The following TBX15 variants were observed in gnomAD, a reference collection of about 807,000 sequenced individuals.
TBX15 encodes T-box transcription factor 15.
Under a neutral mutation model 53.9 loss-of-function variants are expected in TBX15, and 18 were observed. The observed-to-expected ratio is 0.33, with a 90% CI of 0.23 to 0.49. The LOEUF (loss-of-function observed/expected upper bound fraction) is 0.49, where lower values mean the gene tolerates loss of function less well. Ranked by LOEUF, TBX15 falls within the 20% of genes least tolerant of loss-of-function variation. The probability of loss-of-function intolerance (pLI) is 0.98; values close to 1 mark genes in which losing one functional copy is unlikely to be tolerated. For missense variants in TBX15, 692 were observed against 749.5 expected, an observed-to-expected ratio of 0.92 and a Z score of 0.90; for synonymous variants, 295 against 278.0, an observed-to-expected ratio of 1.06 and a Z score of -0.61.
chr1:118,895,518 C>T (rs925980986), intron 7 of TBX15, among the ~76,000 whole-genome samples: 1 of 152,178 alleles, frequency 6.6e-6, no homozygotes, highest in African/African-American at 2.4e-5. Flanking sequence ...TTAGTTATAA[C>T]TGACCTGGAC....
chr1:118,884,531 G>A lies in TBX15; in HGVS notation c.*201C>T. 1 of 649,980 alleles carries A rather than the reference G, an allele frequency of 1.5e-6. No homozygotes were observed. The highest frequency in any genetic ancestry group is 2.6e-6 in the Non-Finnish European group (1 of 388,348). 40.3% of individuals were successfully genotyped at this position (649,980 alleles called of 1,614,324 possible). On this transcript the variant is annotated 3_prime_UTR_variant, in exon 8 of 8. Transcript: ENST00000369429. ...AAGGCAGAAGAATGGCCACTGAGTTGCGGATGATTCTATCGCAAGTATCCT... is the reference window on the plus strand; with the variant it reads ...AAGGCAGAAGAATGGCCACTGAGTTACGGATGATTCTATCGCAAGTATCCT...
At chr1:118,962,095 A>C (rs1009112207) in intron 1 of TBX15, among the ~76,000 whole-genome samples, 1 of 152,234 alleles carries the variant, frequency 6.6e-6, no homozygotes, top group Non-Finnish European at 1.5e-5. Context: ...ATTAAGCCCA[A>C]ATCCTAGCCA....
intron 1 of TBX15, among the ~76,000 whole-genome samples, chr1:118,969,767 G>A (rs1657169828): frequency 1.3e-5 from 2 of 152,254 alleles, no homozygotes; most frequent in African/African-American, 4.8e-5. Flanking sequence ...ACTAGAGAAA[G>A]ATAGACTAGG....
intron 1 of TBX15, among the ~76,000 whole-genome samples, chr1:118,939,867 G>A (rs1036966317): frequency 2.6e-5 from 4 of 151,940 alleles, no homozygotes; most frequent in Middle Eastern, 3.4e-3. Flanking sequence ...GGCACTTTAT[G>A]TACGTTATTA....
intron 2 of TBX15, among the ~76,000 whole-genome samples, chr1:118,928,023 G>C (rs1177279261): frequency 3.3e-5 from 5 of 152,172 alleles, no homozygotes; most frequent in African/African-American, 9.7e-5. Context: ...AATTGGCTTT[G>C]CTCCATTTCA....
chr1:118,893,382 AAAGAAAGAAAGAAAGAAAGAAAGAAAGG>A (rs1269439485), intron 7 of TBX15, among the ~76,000 whole-genome samples: 21 of 138,002 alleles, frequency 1.5e-4, no homozygotes, highest in African/African-American at 6.0e-4. Context: ...AGAAAGAAAG[AAAGAAAGAAAGAAAGAAAGAAAGAAAGG>A]AAGAAGGAAA....
At chr1:118,935,220 A>G (rs944723119) in intron 1 of TBX15, among the ~76,000 whole-genome samples, 17 of 152,178 alleles carry the variant, frequency 1.1e-4, no homozygotes, top group Non-Finnish European at 2.1e-4. Context: ...TTGGCTAACC[A>G]GATCAAAATT....
Position 118,975,477 on chromosome 1 carries a change from G to C in TBX15, c.205+12114C>G, listed in dbSNP as rs566616907. 1.1e-4 allele frequency among the ~76,000 whole-genome samples: 16 copies of C among 152,270 alleles called. No homozygotes were observed. The South Asian group carries it at 3.1e-3, about 30-fold the overall frequency. On this transcript the variant is annotated intron_variant, in intron 1 of 7. Transcript: ENST00000369429. ...CTACAAAGGTTCAACATTCTCCCTA[G>C]AGCTCTTAAGCATCATCTACAGGGC... is the stretch of plus-strand genomic sequence containing the variant.
intron 1 of TBX15, among the ~76,000 whole-genome samples, chr1:118,960,459 C>G (rs1656833819): frequency 6.6e-6 from 1 of 152,212 alleles, no homozygotes. Flanking sequence ...GGTGGCCAGA[C>G]TCAGTGACTG....
chr1:118,895,219 C>T lies in TBX15; in HGVS notation c.1024+3809G>A, dbSNP rs534187451. Among the ~76,000 whole-genome samples, 3 of 152,280 alleles carry T rather than the reference C, an allele frequency of 2.0e-5. No homozygotes were observed. In the East Asian group the frequency reaches 5.8e-4, roughly 29 times the overall value. On this transcript the variant is annotated intron_variant, in intron 7 of 7. Coordinates refer to ENST00000369429, the MANE Select transcript of TBX15 (RefSeq NM_001330677.2). ...TTTAACTGCCTGACAAACACTGAAA[C>T]ACCCAATGGTACTGAACTCGGTAGT...
At chr1:118,895,340 G>A (rs1201481464) in intron 7 of TBX15, among the ~76,000 whole-genome samples, 5 of 152,120 alleles carry the variant, frequency 3.3e-5, no homozygotes, top group Admixed American at 3.3e-4. Flanking sequence ...GGTGTCATTG[G>A]TCCAGAATGA....
At chr1:118,893,352 GGAAGGAAAGAAAGAAA>G (rs1216922958) in intron 7 of TBX15, among the ~76,000 whole-genome samples, 118 of 63,194 alleles carry the variant, frequency 1.9e-3, no homozygotes, top group South Asian at 9.8e-3. Context: ...AAGGAAGGAA[GGAAGGAAAGAAAGAAA>G]GAAAGAAAGA....
chr1:118,948,155 G>A (rs1656402616), intron 1 of TBX15, among the ~76,000 whole-genome samples: 2 of 152,074 alleles, frequency 1.3e-5, no homozygotes. Context: ...ATTATGCTAA[G>A]TGCCTTTTCC....
chr1:118,913,051 A>G (rs1317298641), intron 6 of TBX15, among the ~76,000 whole-genome samples: 1 of 152,232 alleles, frequency 6.6e-6, no homozygotes, highest in African/African-American at 2.4e-5. Context: ...CATTTTGTAA[A>G]GAAAATGATT....
chr1:118,976,790 T>C (rs549667687), intron 1 of TBX15, among the ~76,000 whole-genome samples: 4 of 152,374 alleles, frequency 2.6e-5, no homozygotes, highest in South Asian at 2.1e-4. Flanking sequence ...AATTCTGTAC[T>C]GTTTCTAACT....
At chr1:118,928,044 C>A (rs1253821483) in intron 2 of TBX15, among the ~76,000 whole-genome samples, 1 of 152,158 alleles carries the variant, frequency 6.6e-6, no homozygotes, top group African/African-American at 2.4e-5. Flanking sequence ...TGGCCATAGA[C>A]CATACCCTGA....
chr1:118,979,362 G>A (rs1657562179), intron 1 of TBX15, among the ~76,000 whole-genome samples: 1 of 151,912 alleles, frequency 6.6e-6, no homozygotes, highest in South Asian at 2.1e-4. Flanking sequence ...TCCACGTCAC[G>A]ATCCCACAGG....
rs34356524 is a variant in TBX15, at chr1:118,924,382, C to T, written c.693+264G>A. 0.028 allele frequency among the ~76,000 whole-genome samples: 4,246 copies of T among 152,260 alleles called. 87 individuals are homozygous for T. The highest frequency in any genetic ancestry group is 0.051 in the Middle Eastern group (15 of 294). On this transcript the variant is annotated intron_variant, in intron 4 of 7. Transcript: ENST00000369429. ...TTTGTCTTGTTTTGCTCTCTTGCCT[C>T]CTCGACTAGACTGTAAGCCTCTGGA...
chr1:118,926,197 T>A (rs1184734025), intron 3 of TBX15, among the ~76,000 whole-genome samples: 1 of 152,210 alleles, frequency 6.6e-6, no homozygotes, highest in Non-Finnish European at 1.5e-5. Flanking sequence ...ATTTAGCATT[T>A]CACAAACCAA....
Sources: allele counts gnomAD v4.1 joint callset (sites outside exome capture counted in the v4.1 genomes callset), GRCh38; gene constraint gnomAD v4.1.1; transcripts MANE v1.5; gene names NCBI Gene and HGNC (gene_info 2026-07-23, HGNC 2026-07-21).